Variants in ANKRD30B observed in about 807,000 individuals in gnomAD.
ANKRD30B encodes the protein ankyrin repeat domain-containing protein 30B.
In ANKRD30B, 144 loss-of-function variants were observed where a neutral mutation model predicts 202.2. That is an observed-to-expected ratio of 0.71 (90% CI 0.62 to 0.82). The LOEUF (loss-of-function observed/expected upper bound fraction) is 0.82, where lower values mean the gene tolerates loss of function less well. Among genes scored for constraint, ANKRD30B ranks in the 40% least tolerant of loss-of-function variants. ANKRD30B has a pLI of 0.00. For synonymous variants in ANKRD30B, 508 were observed against 561.3 expected, an observed-to-expected ratio of 0.91 and a Z score of 1.34; for missense variants, 1,487 against 1,669.1, an observed-to-expected ratio of 0.89 and a Z score of 1.90.
intron 41 of ANKRD30B, among the ~76,000 whole-genome samples, chr18:14,851,087 A>AT (rs1971864068): frequency 6.6e-6 from 1 of 151,912 alleles, no homozygotes; most frequent in Non-Finnish European, 1.5e-5. Flanking sequence ...GCTTCCAGAA[A>AT]TTTTATCTGT....
chr18:14,873,764 G>C, the ANKRD30B span, among the ~76,000 whole-genome samples: 18 of 152,066 alleles, frequency 1.2e-4, no homozygotes, highest in Admixed American at 8.5e-4. Flanking sequence ...AGCATTAGGC[G>C]AGGCTGAGAG....
chr18:14,903,346 C>T, the ANKRD30B span, among the ~76,000 whole-genome samples: 5 of 152,098 alleles, frequency 3.3e-5, no homozygotes, highest in African/African-American at 9.7e-5. Flanking sequence ...CTTGTATAGC[C>T]CTATTTCAGA....
downstream of ANKRD30B, among the ~76,000 whole-genome samples, chr18:14,856,155 G>GGCGGCC (rs1972102250): frequency 6.9e-6 from 1 of 145,042 alleles, no homozygotes; most frequent in African/African-American, 2.6e-5. Context: ...TCCCAGATGG[G>GGCGGCC]ACGGCCAGGC....
At chr18:14,870,382 C>A in the ANKRD30B span, among the ~76,000 whole-genome samples, 1 of 152,250 alleles carries the variant, frequency 6.6e-6, no homozygotes. Flanking sequence ...CTGTGCCCTC[C>A]ACCAGCACTG....
chr18:14,895,547 T>C, the ANKRD30B span, among the ~76,000 whole-genome samples: 1 of 152,170 alleles, frequency 6.6e-6, no homozygotes, highest in Admixed American at 6.5e-5. Context: ...AATTGAAAAC[T>C]TATGTCCACA....
the ANKRD30B span, among the ~76,000 whole-genome samples, chr18:14,866,741 G>A: frequency 6.6e-6 from 1 of 152,022 alleles, no homozygotes; most frequent in Admixed American, 6.5e-5. Flanking sequence ...GGGGCTAGTG[G>A]GTGGCGCTAT....
intron 37 of ANKRD30B, among the ~76,000 whole-genome samples, chr18:14,842,138 TG>T (rs1388922218): frequency 1.3e-5 from 2 of 152,132 alleles, no homozygotes; most frequent in African/African-American, 4.8e-5. Flanking sequence ...AAATATAAAA[TG>T]TTATTTATAT....
At chr18:14,776,096 G>C (rs1967332798) in intron 9 of ANKRD30B, among the ~76,000 whole-genome samples, 1 of 152,148 alleles carries the variant, frequency 6.6e-6, no homozygotes, top group Non-Finnish European at 1.5e-5. Context: ...TTCTAATTTT[G>C]GGTAAGGGGA....
the ANKRD30B span, among the ~76,000 whole-genome samples, chr18:14,915,955 G>T: frequency 1.3e-5 from 2 of 152,198 alleles, no homozygotes; most frequent in Non-Finnish European, 2.9e-5. Context: ...GTCTAGAAAT[G>T]ACTTAAAGTT....
chr18:14,936,199 A>G, the ANKRD30B span, among the ~76,000 whole-genome samples: 5 of 152,192 alleles, frequency 3.3e-5, no homozygotes, highest in Admixed American at 3.3e-4. Context: ...TAAGAGTTGC[A>G]AAGTTCTTCA....
the ANKRD30B span, among the ~76,000 whole-genome samples, chr18:14,861,711 ATTAG>A: frequency 2.6e-5 from 4 of 152,002 alleles, no homozygotes; most frequent in East Asian, 1.9e-4. Context: ...CAGTAAGCAG[ATTAG>A]TTAGGCAGAT....
chr18:14,781,333 C>T (rs1469894840), intron 11 of ANKRD30B, among the ~76,000 whole-genome samples: 1 of 49,568 alleles, frequency 2.0e-5, no homozygotes, highest in African/African-American at 7.5e-5. Context: ...TTCGCTCAGT[C>T]GCCCAGGCTG....
At chr18:14,783,449 T>C (rs1448757557) in intron 12 of ANKRD30B, among the ~76,000 whole-genome samples, 2 of 152,132 alleles carry the variant, frequency 1.3e-5, no homozygotes, top group Non-Finnish European at 2.9e-5. Context: ...GTGAGATATA[T>C]TTGAAACTAA....
chr18:14,913,013 A>T, the ANKRD30B span, among the ~76,000 whole-genome samples: 4 of 152,266 alleles, frequency 2.6e-5, no homozygotes, highest in South Asian at 4.1e-4. Context: ...TTCTGGGCTT[A>T]CAGGTTTCCT....
the ANKRD30B span, among the ~76,000 whole-genome samples, chr18:14,899,941 G>A: frequency 2.4e-4 from 36 of 152,138 alleles, no homozygotes; most frequent in East Asian, 2.1e-3. Flanking sequence ...AATGACGAAC[G>A]GATGAGTTAA....
chr18:14,759,329 C>G (rs1042353929), intron 5 of ANKRD30B: 10 of 152,184 alleles, frequency 6.6e-5, no homozygotes, highest in African/African-American at 2.4e-4. Context: ...CTAACTAGCT[C>G]CAAGGAAATG....
chr18:14,909,773 T>A, the ANKRD30B span: 1 of 152,188 alleles, frequency 6.6e-6, no homozygotes, highest in Non-Finnish European at 1.5e-5. Flanking sequence ...TTATGTATAT[T>A]ATTCAAAGTT....
the ANKRD30B span, among the ~76,000 whole-genome samples, chr18:14,902,302 T>C: frequency 6.6e-6 from 1 of 152,146 alleles, no homozygotes; most frequent in Non-Finnish European, 1.5e-5. Context: ...AATACCATTT[T>C]CTGACAAGCC....
In ANKRD30B at chr18:14,753,027, A is replaced by G. The variant is rs768121628; in HGVS notation, c.510+15A>G. The G allele has an allele frequency of 1.9e-6, 3 of 1,541,314 alleles. No individual in the cohort carries two copies. The highest frequency in any genetic ancestry group is 4.7e-5 in the East Asian group (2 of 42,440). ...TGCAAAACAAGGTAGACATTAACCA[A>G]TGTTATTTTCAAAATATTTGAAATC... On this transcript the variant is annotated intron_variant, in intron 3 of 43. Transcript: ENST00000690538.
Sources: allele counts gnomAD v4.1 joint callset (sites outside exome capture counted in the v4.1 genomes callset), GRCh38; gene constraint gnomAD v4.1.1; transcripts MANE v1.5; gene names NCBI Gene and HGNC (gene_info 2026-07-23, HGNC 2026-07-21).